ERBB4: variants seen among roughly 807,000 people sequenced by gnomAD.
ERBB4 encodes receptor tyrosine-protein kinase erbB-4.
Under a neutral mutation model 158.0 loss-of-function variants are expected in ERBB4, and 42 were observed. The ratio of observed to expected loss-of-function variants is 0.27; its 90% CI spans 0.21 to 0.34. The LOEUF (loss-of-function observed/expected upper bound fraction) is 0.34. Ranked by LOEUF, ERBB4 falls within the 10% of genes least tolerant of loss-of-function variation. ERBB4 has a pLI of 1.00. For missense variants in ERBB4, 1,333 were observed against 1,624.1 expected (o/e 0.82, Z 3.08); for synonymous variants, 583 against 558.7 (o/e 1.04, Z -0.61).
At chr2:211,926,977 G>T (rs1057007856) in intron 3 of ERBB4, among the ~76,000 whole-genome samples, 1 of 152,112 alleles carries the variant, frequency 6.6e-6, no homozygotes, top group East Asian at 1.9e-4. Flanking sequence ...CATAAGACCC[G>T]TCAAACATTG....
At chr2:212,354,903 A>G (rs2089408498) in intron 1 of ERBB4, among the ~76,000 whole-genome samples, 1 of 151,812 alleles carries the variant, frequency 6.6e-6, no homozygotes, top group African/African-American at 2.4e-5. Flanking sequence ...CCTATTAGCT[A>G]TATATTAAAT....
At chr2:212,534,880 T>TA (rs1692958153) in intron 1 of ERBB4, among the ~76,000 whole-genome samples, 1 of 152,196 alleles carries the variant, frequency 6.6e-6, no homozygotes, top group African/African-American at 2.4e-5. Context: ...AATGCAAACT[T>TA]ACTGTGTTCA....
intron 20 of ERBB4, among the ~76,000 whole-genome samples, chr2:211,445,587 A>C (rs770982260): frequency 2.0e-5 from 3 of 152,144 alleles, no homozygotes; most frequent in African/African-American, 7.2e-5. Context: ...AACTAGCGAC[A>C]GTATCAAATA....
intron 1 of ERBB4, among the ~76,000 whole-genome samples, chr2:212,181,595 ATCT>A (rs2081866780): frequency 1.3e-5 from 2 of 151,784 alleles, no homozygotes; most frequent in Non-Finnish European, 3.0e-5. Flanking sequence ...TTCAGCAGAA[ATCT>A]TCTGCTTTTA....
chr2:212,254,734 T>G (rs998336898), intron 1 of ERBB4, among the ~76,000 whole-genome samples: 2 of 152,134 alleles, frequency 1.3e-5, no homozygotes, highest in African/African-American at 4.8e-5. Flanking sequence ...TCTGAAATAT[T>G]GTGAATATTC....
At chr2:211,445,315 C>T (rs1206329968) in intron 20 of ERBB4, among the ~76,000 whole-genome samples, 4 of 152,064 alleles carry the variant, frequency 2.6e-5, no homozygotes, top group Non-Finnish European at 4.4e-5. Context: ...TTGACTAAGA[C>T]AGTAACTTGG....
chr2:211,794,236 G>T (rs1056448756), intron 3 of ERBB4, among the ~76,000 whole-genome samples: 5 of 151,876 alleles, frequency 3.3e-5, no homozygotes, highest in Admixed American at 1.3e-4. Flanking sequence ...TTATGTTTCA[G>T]GTTTGAGTTC....
chr2:211,415,179 C>G (rs373807644), intron 25 of ERBB4, among the ~76,000 whole-genome samples: 6,654 of 129,176 alleles, frequency 0.052, 108 homozygotes, highest in Middle Eastern at 0.1. Context: ...TGCAGTGGCG[C>G]GACCTCGGCT....
intron 12 of ERBB4, among the ~76,000 whole-genome samples, chr2:211,701,706 A>C (rs2073252406): frequency 1.4e-5 from 2 of 141,128 alleles, no homozygotes; most frequent in Admixed American, 1.5e-4. Flanking sequence ...CAGTGAGCCG[A>C]GATCTCGCCA....
At chr2:211,540,909 T>C (rs2066790653) in intron 20 of ERBB4, among the ~76,000 whole-genome samples, 1 of 151,994 alleles carries the variant, frequency 6.6e-6, no homozygotes, top group African/African-American at 2.4e-5. Context: ...GTTAACTTCC[T>C]ATGGTATACA....
At chr2:212,001,766 A>T (rs553325019) in intron 2 of ERBB4, among the ~76,000 whole-genome samples, 1 of 152,332 alleles carries the variant, frequency 6.6e-6, no homozygotes, top group South Asian at 2.1e-4. Flanking sequence ...GATATGAAGG[A>T]AACATTATGA....
intron 2 of ERBB4, among the ~76,000 whole-genome samples, chr2:211,975,301 G>A (rs2081574808): frequency 1.3e-5 from 2 of 152,106 alleles, no homozygotes; most frequent in Non-Finnish European, 2.9e-5. Flanking sequence ...TAAATAACTG[G>A]CATTAAGGAA....
chr2:212,507,800 G>A (rs1021629452), intron 1 of ERBB4, among the ~76,000 whole-genome samples: 2 of 152,162 alleles, frequency 1.3e-5, no homozygotes, highest in Non-Finnish European at 2.9e-5. Context: ...TGGTTGAAAT[G>A]ACAACGAAAG....
chr2:211,792,338 T>A (rs1471394380), intron 3 of ERBB4, among the ~76,000 whole-genome samples: 2 of 151,764 alleles, frequency 1.3e-5, no homozygotes, highest in African/African-American at 4.8e-5. Flanking sequence ...CAATAAATAT[T>A]TGATTAATTG....
intron 1 of ERBB4, among the ~76,000 whole-genome samples, chr2:212,177,016 T>C (rs1307225393): frequency 1.3e-5 from 2 of 151,560 alleles, no homozygotes; most frequent in Non-Finnish European, 3.0e-5. Flanking sequence ...GGAATTTCAG[T>C]ATTACTTTAT....
chr2:211,950,550 C>T (rs147919708), intron 2 of ERBB4, among the ~76,000 whole-genome samples: 8 of 152,188 alleles, frequency 5.3e-5, no homozygotes, highest in Admixed American at 1.3e-4. Flanking sequence ...ATATGTGAGC[C>T]TCTATTCAGA....
intron 3 of ERBB4, among the ~76,000 whole-genome samples, chr2:211,942,381 G>C (rs1206107940): frequency 1.3e-5 from 2 of 149,386 alleles, no homozygotes; most frequent in East Asian, 3.9e-4. Flanking sequence ...TTTTGGGACA[G>C]GGTCCCTCTG....
chr2:211,379,129 G>A lies in ERBB4; in HGVS notation c.*4486C>T. 8.7e-6 allele frequency: 2 copies of A among 230,374 alleles called. No individual in the cohort carries two copies. Among genetic ancestry groups the A allele is most frequent in the South Asian group, 3.6e-4 (2 of 5,488 alleles). 14.3% of individuals were successfully genotyped at this position (230,374 alleles called of 1,614,324 possible). On this transcript the variant is annotated 3_prime_UTR_variant, in exon 28 of 28. Coordinates refer to ENST00000342788, the MANE Select transcript of ERBB4 (RefSeq NM_005235.3). ...TTTATCAGAAAAATTGTGATTCTTTGTTGTCATTTTTGGAGGCAAGAGGGC... is the reference window on the plus strand; with the variant it reads ...TTTATCAGAAAAATTGTGATTCTTTATTGTCATTTTTGGAGGCAAGAGGGC...
chr2:212,233,163 G>C (rs574704760), intron 1 of ERBB4, among the ~76,000 whole-genome samples: 41 of 152,166 alleles, frequency 2.7e-4, no homozygotes, highest in African/African-American at 9.4e-4. Context: ...TATTAATAAT[G>C]ATATAATGAC....
Sources: gnomAD v4.1 joint callset for allele counts (sites outside exome capture counted in the v4.1 genomes callset) on GRCh38, gnomAD v4.1.1 for gene constraint, MANE v1.5 for transcripts, NCBI Gene and HGNC (gene_info 2026-07-23, HGNC 2026-07-21) for gene names.